ATP11A: variants seen among roughly 807,000 people sequenced by gnomAD.
ATP11A encodes the protein ATPase phospholipid transporting 11A, also known as phospholipid-transporting ATPase IH.
ATP11A carries 81 observed loss-of-function variants against 154.4 expected under a neutral mutation model. The observed-to-expected ratio is 0.52, with a 90% confidence interval of 0.44 to 0.63. The LOEUF (loss-of-function observed/expected upper bound fraction) is 0.63. ATP11A is among the 30% of genes least tolerant of loss of function. The pLI, the probability that ATP11A is intolerant of heterozygous loss-of-function variation, is 0.00. For missense variants in ATP11A, 1,316 were observed against 1,474.3 expected (o/e 0.89, Z 1.76); for synonymous variants, 623 against 585.9 (o/e 1.06, Z -0.91).
chr13:112,756,273 C>A (rs909632868), intron 1 of ATP11A, among the ~76,000 whole-genome samples: 3 of 152,206 alleles, frequency 2.0e-5, no homozygotes, highest in African/African-American at 7.2e-5. Context: ...GCGAATCGAC[C>A]TCTGACCCCA....
In ATP11A at chr13:112,882,922, GGGT is replaced by G; in HGVS notation, c.*1059_*1061del. The G allele has an allele frequency of 2.5e-6, 1 of 399,048 alleles. No homozygotes were observed. Among genetic ancestry groups the G allele is most frequent in the Non-Finnish European group, 4.4e-6 (1 of 226,436 alleles). The allele number at this position is 399,048 out of a possible 1,614,324, so 24.7% of individuals were successfully genotyped here. On this transcript the variant is annotated 3_prime_UTR_variant, in exon 30 of 30. Coordinates refer to ENST00000375645, the MANE Select transcript of ATP11A (RefSeq NM_015205.3). The surrounding 1 kb of genome is among the most constrained non-coding windows in gnomAD (Gnocchi z 5.1). Reference sequence around the variant, plus strand: ...CTGACGGGGGTGGCACACAGGACACGGGTGGATCCCAACAGGCAGCACCGCACC... The same window carrying G: ...CTGACGGGGGTGGCACACAGGACACGGGATCCCAACAGGCAGCACCGCACC...
rs1315619971 is a variant in ATP11A at position 112,880,380 on chromosome 13, C to G, written c.*10-1496C>G. ...CTGCTGGGACAGTGTTTTCCCAAGA[C>G]GCCCCAAGCCCTCGCCCTGGCAGCT... On this transcript the variant is annotated intron_variant, in intron 29 of 29. Coordinates refer to ENST00000375645, the MANE Select transcript of ATP11A (RefSeq NM_015205.3). 4 of 423,918 alleles carry G rather than the reference C, an allele frequency of 9.4e-6. No individual in the cohort carries two copies. The South Asian group carries it at 1.0e-4, about 11-fold the overall frequency. The allele number at this position is 423,918 out of a possible 1,614,324, so 26.3% of individuals were successfully genotyped here.
intron 1 of ATP11A, among the ~76,000 whole-genome samples, chr13:112,758,796 A>G (rs1223400647): frequency 6.6e-6 from 1 of 152,220 alleles, no homozygotes; most frequent in East Asian, 1.9e-4. Flanking sequence ...ACACTTGTGA[A>G]GCATTTTTCA....
intron 1 of ATP11A, among the ~76,000 whole-genome samples, chr13:112,710,076 G>A (rs929235450): frequency 5.3e-5 from 8 of 152,250 alleles, no homozygotes; most frequent in Non-Finnish European, 7.3e-5. Context: ...CTGGAACTGC[G>A]TGACACCCGG....
rs748401969 is a variant in ATP11A, at chr13:112,781,784, CAAAAAAAAA to C, written c.40-3340_40-3332del. Among the ~76,000 whole-genome samples, 40 of 101,348 alleles carry C rather than the reference CAAAAAAAAA, an allele frequency of 3.9e-4. 1 individual carries two copies. Among genetic ancestry groups the C allele is most frequent in the African/African-American group, 1.4e-3 (39 of 28,854 alleles). The allele number at this position is 101,348 out of a possible 152,430, so 66.5% of individuals were successfully genotyped here. Reference sequence around the variant, plus strand: ...TCTTAATAAACTTGCTTTCACTTTGCAAAAAAAAAAAAAAAAAAAGAATTTGAACATTTG... The same window carrying C: ...TCTTAATAAACTTGCTTTCACTTTGCAAAAAAAAAAGAATTTGAACATTTG... On this transcript the variant is annotated intron_variant, in intron 1 of 29. Coordinates refer to ENST00000375645, the MANE Select transcript of ATP11A (RefSeq NM_015205.3).
At chr13:112,832,015 C>T (rs533839883) in intron 13 of ATP11A, among the ~76,000 whole-genome samples, 3 of 152,132 alleles carry the variant, frequency 2.0e-5, no homozygotes, top group African/African-American at 4.8e-5. Context: ...CACACACGCT[C>T]ACATGCAGAC....
intron 25 of ATP11A, among the ~76,000 whole-genome samples, chr13:112,866,585 C>T (rs1218351592): frequency 6.6e-6 from 1 of 150,948 alleles, no homozygotes; most frequent in African/African-American, 2.4e-5. Flanking sequence ...TTTAACTAGC[C>T]GTACAAGCAG....
In ATP11A at chr13:112,816,140, C is replaced by G; in HGVS notation, c.499C>G (p.Leu167Val). 1.9e-6 allele frequency: 3 copies of G among 1,614,190 alleles called. No homozygotes were observed. The highest frequency in any genetic ancestry group is 2.5e-6 in the Non-Finnish European group (3 of 1,180,028). The change falls in exon 6 of 30, where the codon CTT (leucine) becomes GTT (valine). Residue 167 changes from leucine (L) to valine (V), a missense_variant. This residue lies in a region of ATP11A where 876 missense variants were observed against 1,006.8 expected (regional missense o/e 0.87). Coordinates refer to ENST00000375645, the MANE Select transcript of ATP11A (RefSeq NM_015205.3). ...GACCTTTCCCTGCGACTTGATCTTC[C>G]TTTCCAGCAACCGGGGAGATGGGAC... ...DETFPCDLIFLSSNRGDGTCH... is the reference protein window; with the variant it reads ...DETFPCDLIFVSSNRGDGTCH...
Position 112,842,388 on chromosome 13 carries a change from C to T in ATP11A, c.1809+9C>T, listed in dbSNP as rs747611120. ...TGGAGCGTAACGCAGTGGTGAGAGCCGGGCTGGGGAGGGCCTCGTGGCGGT... is the reference window on the plus strand; with the variant it reads ...TGGAGCGTAACGCAGTGGTGAGAGCTGGGCTGGGGAGGGCCTCGTGGCGGT... On this transcript the variant is annotated intron_variant, in intron 17 of 29. Coordinates refer to ENST00000375645, the MANE Select transcript of ATP11A (RefSeq NM_015205.3). 14 of 1,591,434 alleles carry T rather than the reference C, an allele frequency of 8.8e-6. No individual in the cohort carries two copies. Among genetic ancestry groups the T allele is most frequent in the East Asian group, 4.5e-5 (2 of 44,404 alleles).
chr13:112,768,297 C>T (rs966543133), intron 1 of ATP11A, among the ~76,000 whole-genome samples: 26 of 152,226 alleles, frequency 1.7e-4, no homozygotes, highest in African/African-American at 3.1e-4. Context: ...CCTTCTGCGG[C>T]GTCTTCCTCT....
intron 1 of ATP11A, among the ~76,000 whole-genome samples, chr13:112,705,536 G>A (rs777423928): frequency 7.2e-5 from 11 of 152,158 alleles, no homozygotes; most frequent in Non-Finnish European, 1.2e-4. Context: ...GTGAGGAGGC[G>A]CCAGGGACAA....
At chr13:112,852,884 C>G (rs1006198189) in intron 18 of ATP11A, among the ~76,000 whole-genome samples, 31 of 152,226 alleles carry the variant, frequency 2.0e-4, no homozygotes, top group Admixed American at 5.9e-4. Flanking sequence ...TGAGCCTCAG[C>G]TTCCTTTTGA....
chr13:112,795,036 G>T (rs2077962728), intron 2 of ATP11A, among the ~76,000 whole-genome samples: 1 of 152,144 alleles, frequency 6.6e-6, no homozygotes, highest in Non-Finnish European at 1.5e-5. Context: ...CTGAAGTCAG[G>T]AGTTCAAGAT....
At chr13:112,752,792 C>G (rs994187685) in intron 1 of ATP11A, among the ~76,000 whole-genome samples, 3 of 152,180 alleles carry the variant, frequency 2.0e-5, no homozygotes, top group African/African-American at 7.2e-5. Flanking sequence ...GCTGGCCATC[C>G]TACAATTGCT....
intron 5 of ATP11A, among the ~76,000 whole-genome samples, chr13:112,814,441 A>C (rs537211641): frequency 5.3e-5 from 8 of 152,054 alleles, no homozygotes; most frequent in Non-Finnish European, 1.0e-4. Context: ...AGACCCAAAG[A>C]CTTTCTCCCA....
chr13:112,691,883 G>A (rs1389986193), intron 1 of ATP11A, among the ~76,000 whole-genome samples: 1 of 152,036 alleles, frequency 6.6e-6, no homozygotes, highest in East Asian at 1.9e-4. Flanking sequence ...GGAAGCCTTA[G>A]GAAGGTCAGC....
At position 112,860,413 on chromosome 13, in the gene ATP11A, A is replaced by G; in HGVS notation, c.2854A>G (p.Arg952Gly). Residue 952 changes from arginine (R) to glycine (G), a missense_variant and splice_region_variant, in exon 24 of 30, where the codon AGG becomes GGG. Around this residue, in one of 5 missense-constraint regions of ATP11A, gnomAD observed 294 missense variants for 290.2 expected, o/e 1.01. Coordinates refer to ENST00000375645, the MANE Select transcript of ATP11A (RefSeq NM_015205.3). The stretch of plus-strand genomic sequence containing the variant: ...GCTCAAGAGAGACCCGACCCTGTAC[A>G]GGTACCATCCTCCAAACAGCCTCTC... ...DVLKRDPTLYRDVAKNALLRW... is the reference protein window; with the variant it reads ...DVLKRDPTLYGDVAKNALLRW... 1 of 1,614,082 alleles carries G rather than the reference A, an allele frequency of 6.2e-7. No individual in the cohort carries two copies. The highest frequency in any genetic ancestry group is 8.5e-7 in the Non-Finnish European group (1 of 1,179,956).
At chr13:112,857,221 T>C (rs571741299) in intron 20 of ATP11A, among the ~76,000 whole-genome samples, 17 of 152,316 alleles carry the variant, frequency 1.1e-4, no homozygotes, top group African/African-American at 3.6e-4. Context: ...CTTGAACTGT[T>C]ACATTTAGGC....
At chr13:112,876,146 C>G (rs983266350) in intron 28 of ATP11A, 3 of 464,018 alleles carry the variant, frequency 6.5e-6, no homozygotes, top group Non-Finnish European at 1.1e-5. Flanking sequence ...ATGTTTCAAC[C>G]TAAACAGTCA....
Sources: gnomAD v4.1 joint callset for allele counts (sites outside exome capture counted in the v4.1 genomes callset) on GRCh38, gnomAD v4.1.1 for gene constraint, gnomAD v4.1.1 regional missense constraint, Gnocchi (gnomAD v3.1) non-coding constraint, MANE v1.5 for transcripts, NCBI Gene and HGNC (gene_info 2026-07-23, HGNC 2026-07-21) for gene names.